Variants in RGS20 observed in about 807,000 individuals in gnomAD.
RGS20 encodes the protein gz-selective GTPase-activating protein.
In RGS20, 30 loss-of-function variants were observed where a neutral mutation model predicts 33.6. The ratio of observed to expected loss-of-function variants is 0.89; its 90% CI spans 0.67 to 1.21. The LOEUF is 1.21. Among genes scored for constraint, RGS20 ranks in the 50% most tolerant of loss-of-function variants. The pLI is 0.00. For missense variants in RGS20, 472 were observed against 502.4 expected (o/e 0.94, Z 0.58); for synonymous variants, 208 against 197.9 (o/e 1.05, Z -0.43).
intron 2 of RGS20, among the ~76,000 whole-genome samples, chr8:53,912,068 T>C (rs1813361149): frequency 6.6e-6 from 1 of 152,148 alleles, no homozygotes; most frequent in African/African-American, 2.4e-5. Context: ...ATCCTATTCA[T>C]AATAGGAACA....
intron 5 of RGS20, among the ~76,000 whole-genome samples, 179 bp from the exon 5 acceptor site, chr8:53,958,091 G>A (rs1323317842): frequency 3.3e-5 from 5 of 151,946 alleles, no homozygotes; most frequent in South Asian, 4.2e-4. Context: ...AGCTGAGATC[G>A]CGCCACTGCA....
chr8:53,899,565 C>T (rs1462662127), intron 2 of RGS20, among the ~76,000 whole-genome samples: 8 of 152,224 alleles, frequency 5.3e-5, no homozygotes, highest in African/African-American at 1.2e-4. Flanking sequence ...TAGCCGTCAA[C>T]CACCAAGTCC....
At chr8:53,882,770 C>T (rs1812430261) in intron 2 of RGS20, among the ~76,000 whole-genome samples, 4 of 152,280 alleles carry the variant, frequency 2.6e-5, no homozygotes, top group Admixed American at 2.6e-4. Flanking sequence ...CCAGCAGGAC[C>T]CTCGCCCACT....
In RGS20 at chr8:53,958,531, A is replaced by G. The variant is rs1050730358; in HGVS notation, c.*73A>G. 8 of 806,080 alleles carry G rather than the reference A, an allele frequency of 9.9e-6. No individual in the cohort carries two copies. Among genetic ancestry groups the G allele is most frequent in the African/African-American group, 3.6e-5 (2 of 55,436 alleles). The allele number at this position is 806,080 out of a possible 1,614,324, so 49.9% of individuals were successfully genotyped here. On this transcript the variant is annotated 3_prime_UTR_variant, in exon 6 of 6. Coordinates refer to ENST00000297313, the MANE Select transcript of RGS20 (RefSeq NM_170587.4). The stretch of plus-strand genomic sequence containing the variant: ...GGGCTACAACTAGCACAGGGAATTT[A>G]GAGGTTGTAGCATCTTCTGCTGGAG...
intron 2 of RGS20, among the ~76,000 whole-genome samples, chr8:53,912,348 C>T: frequency 8.1e-6 from 1 of 123,432 alleles, no homozygotes; most frequent in Non-Finnish European, 1.6e-5. Flanking sequence ...TACAGTTAAT[C>T]TTGATTTTTT....
At chr8:53,942,361 G>A (rs56900698) in intron 3 of RGS20, among the ~76,000 whole-genome samples, 10,763 of 152,130 alleles carry the variant, frequency 0.071, 1,066 homozygotes, top group African/African-American at 0.22. Flanking sequence ...AGGAGGCTGA[G>A]GTGGGAGGAT....
At chr8:53,949,013 C>CTA (rs1370420426) in intron 4 of RGS20, among the ~76,000 whole-genome samples, 5 of 90,068 alleles carry the variant, frequency 5.6e-5, no homozygotes, top group African/African-American at 3.1e-4. Context: ...TTTATATATG[C>CTA]TATATAAGAT....
intron 2 of RGS20, among the ~76,000 whole-genome samples, chr8:53,924,742 G>A (rs1421160636): frequency 6.6e-6 from 1 of 151,958 alleles, no homozygotes; most frequent in East Asian, 1.9e-4. Context: ...TGATCATCTG[G>A]GCAACCTACT....
rs539885111 is a variant in RGS20, at chr8:53,883,957, A to AG, written c.510+4355_510+4356insG. Among the ~76,000 whole-genome samples, 38 of 152,078 alleles carry AG rather than the reference A, an allele frequency of 2.5e-4. No individual in the cohort carries two copies. In the East Asian group the frequency reaches 7.4e-3, roughly 30 times the overall value. On this transcript the variant is annotated intron_variant, in intron 2 of 5. Transcript: ENST00000297313. ...GCAAAACTCCGTCTCAAAAAAAAAA[A>AG]AAGAGTATCTACCTAATGTGCTAGC...
chr8:53,914,753 A>G (rs1813438386), intron 2 of RGS20: 1 of 152,234 alleles, frequency 6.6e-6, no homozygotes, highest in Admixed American at 6.5e-5. Context: ...CTAAAATTGG[A>G]ACAATACAGA....
rs759930307 is a variant in RGS20, at chr8:53,881,101, C to T, written c.510+1499C>T. On this transcript the variant is annotated intron_variant, in intron 2 of 5. Coordinates refer to ENST00000297313, the MANE Select transcript of RGS20 (RefSeq NM_170587.4). The stretch of plus-strand genomic sequence containing the variant: ...GGTGGGCTCGTGAGTATCCCAGTTC[C>T]TCGAACTCTCTTTCTTCGTCTCGGG... 5 of 1,510,034 alleles carry T rather than the reference C, an allele frequency of 3.3e-6. No homozygotes were observed. The African/African-American group carries it at 5.7e-5, about 17-fold the overall frequency. 93.5% of individuals were successfully genotyped at this position (1,510,034 alleles called of 1,614,324 possible).
At chr8:53,942,446 G>C (rs571649415) in intron 3 of RGS20, among the ~76,000 whole-genome samples, 90 of 151,486 alleles carry the variant, frequency 5.9e-4, no homozygotes, top group African/African-American at 2.2e-3. Context: ...GTAACAGAGT[G>C]AGACTCTGTC....
At chr8:53,863,014 G>A (rs1255509410) in intron 1 of RGS20, among the ~76,000 whole-genome samples, 1 of 152,128 alleles carries the variant, frequency 6.6e-6, no homozygotes. Context: ...TTGAGATGGA[G>A]TTTCGCTCTT....
intron 4 of RGS20, among the ~76,000 whole-genome samples, chr8:53,948,586 ATACAGTACATATTTACATATGCTATATAT>A (rs1282054867): frequency 0.015 from 1,074 of 70,250 alleles, 96 homozygotes; most frequent in Non-Finnish European, 0.021. Context: ...GCTATATATG[ATACAGTACATATTTACATATGCTATATAT>A]GATACAGTAC....
rs969617967 is a variant in RGS20 at position 53,877,409 on chromosome 8, G to C, written c.166-1849G>C. Reference sequence around the variant, plus strand: ...AGGTGCCGCCCAGGACTAGCTGCCCGGCGGAGGCCGAGCACGCTTGGCGGC... The same window carrying C: ...AGGTGCCGCCCAGGACTAGCTGCCCCGCGGAGGCCGAGCACGCTTGGCGGC... On this transcript the variant is annotated intron_variant, in intron 1 of 5. Coordinates refer to ENST00000297313, the MANE Select transcript of RGS20 (RefSeq NM_170587.4). This position sits in a 1 kb window ranked among gnomAD's most constrained non-coding sequence, Gnocchi z 5.7. 6.6e-6 allele frequency among the ~76,000 whole-genome samples: 1 copy of C among 152,176 alleles called. No homozygotes were observed.
chr8:53,874,357 A>G (rs1266272963), intron 1 of RGS20, among the ~76,000 whole-genome samples: 2 of 149,464 alleles, frequency 1.3e-5, no homozygotes, highest in African/African-American at 2.5e-5. Context: ...GAGAATCAGA[A>G]GCAATAAGGG....
intron 5 of RGS20, 141 bp downstream of exon 4, chr8:53,954,451 G>A: frequency 1.8e-6 from 1 of 570,456 alleles, no homozygotes. Context: ...ATCACCTGAG[G>A]TGAGGAGTTG....
chr8:53,909,221 A>G (rs1287238519), intron 2 of RGS20, among the ~76,000 whole-genome samples: 19 of 117,482 alleles, frequency 1.6e-4, no homozygotes, highest in African/African-American at 6.1e-4. Flanking sequence ...ATATATATAT[A>G]TATATATATA....
intron 2 of RGS20, chr8:53,881,045 C>CG: frequency 6.4e-7 from 1 of 1,563,518 alleles, no homozygotes; most frequent in Non-Finnish European, 8.6e-7. Context: ...GCGAGCCGGC[C>CG]GGGGCTTCCT....
Sources: gnomAD v4.1 joint callset for allele counts (sites outside exome capture counted in the v4.1 genomes callset) on GRCh38, gnomAD v4.1.1 for gene constraint, Gnocchi (gnomAD v3.1) non-coding constraint, MANE v1.5 for transcripts, NCBI Gene and HGNC (gene_info 2026-07-23, HGNC 2026-07-21) for gene names.